The following SRBD1 variants were observed in gnomAD, a reference collection of about 807,000 sequenced individuals.
SRBD1 encodes the protein S1 RNA-binding domain-containing protein 1.
SRBD1 carries 88 observed loss-of-function variants against 115.3 expected under a neutral mutation model. That is an observed-to-expected ratio of 0.76 (90% confidence interval 0.64 to 0.91). The LOEUF is 0.91. SRBD1 is among the 40% of genes least tolerant of loss of function. SRBD1 has a pLI of 0.00. For synonymous variants in SRBD1, 509 were observed against 407.7 expected (o/e 1.25, Z -2.99); for missense variants, 1,385 against 1,177.4 (o/e 1.18, Z -2.58).
intron 17 of SRBD1, among the ~76,000 whole-genome samples, chr2:45,419,104 C>A (rs1667922533): frequency 6.6e-6 from 1 of 152,124 alleles, no homozygotes; most frequent in Admixed American, 6.5e-5. Context: ...AATCTCAACT[C>A]TATTATAAAA....
At chr2:45,550,616 A>G (rs192038481) in intron 12 of SRBD1, among the ~76,000 whole-genome samples, 119 of 152,304 alleles carry the variant, frequency 7.8e-4, no homozygotes, top group African/African-American at 2.8e-3. Flanking sequence ...CAGACAAACT[A>G]AAACTAAGAC....
chr2:45,555,403 A>G (rs1672442298), intron 10 of SRBD1, among the ~76,000 whole-genome samples: 1 of 152,078 alleles, frequency 6.6e-6, no homozygotes, highest in Admixed American at 6.6e-5. Flanking sequence ...AACAAACAAA[A>G]AAAACCCAGC....
At chr2:45,434,510 CT>C (rs1433897862) in intron 16 of SRBD1, among the ~76,000 whole-genome samples, 2 of 152,144 alleles carry the variant, frequency 1.3e-5, no homozygotes, top group African/African-American at 4.8e-5. Flanking sequence ...TCAGTTTATT[CT>C]GTCAAGGATC....
In SRBD1 at chr2:45,389,601, T is replaced by C; in HGVS notation, c.2699-2A>G. 2 of 1,608,614 alleles carry C rather than the reference T, an allele frequency of 1.2e-6. No homozygotes were observed. Among genetic ancestry groups the C allele is most frequent in the Non-Finnish European group, 1.7e-6 (2 of 1,177,982 alleles). On this transcript the variant is annotated splice_acceptor_variant, in intron 20 of 20. Coordinates refer to ENST00000263736, the MANE Select transcript of SRBD1 (RefSeq NM_018079.5). LOFTEE classifies it high-confidence loss of function. ...TCTTGAAATCAGGTTTATCAAAATC[T>C]GTAAGAGAAAAAAAGTAAGTGTAAA...
intron 2 of SRBD1, among the ~76,000 whole-genome samples, chr2:45,604,854 T>C (rs1200795904): frequency 6.6e-6 from 1 of 152,214 alleles, no homozygotes; most frequent in Non-Finnish European, 1.5e-5. Context: ...AACAAATATC[T>C]TCAGAGCACC....
At chr2:45,424,844 G>A (rs192576997) in intron 16 of SRBD1, among the ~76,000 whole-genome samples, 14 of 152,216 alleles carry the variant, frequency 9.2e-5, no homozygotes, top group African/African-American at 3.1e-4. Context: ...AATCTGCTAG[G>A]TACTTCAGAA....
chr2:45,425,391 C>G (rs780745621), intron 16 of SRBD1, among the ~76,000 whole-genome samples: 2 of 152,144 alleles, frequency 1.3e-5, no homozygotes, highest in Non-Finnish European at 2.9e-5. Context: ...TAGCAAGACA[C>G]TTGCACAAAG....
At chr2:45,518,024 A>C (rs937908700) in intron 14 of SRBD1, among the ~76,000 whole-genome samples, 1 of 152,142 alleles carries the variant, frequency 6.6e-6, no homozygotes, top group Non-Finnish European at 1.5e-5. Context: ...ATGATAATTC[A>C]AAAGCTCTCT....
chr2:45,410,596 C>T (rs73925644), intron 19 of SRBD1, among the ~76,000 whole-genome samples: 12,054 of 152,208 alleles, frequency 0.079, 656 homozygotes, highest in African/African-American at 0.15. Flanking sequence ...TTGTATGACA[C>T]GACTGGTAGC....
intron 19 of SRBD1, among the ~76,000 whole-genome samples, chr2:45,410,283 G>A (rs1430659979): frequency 6.6e-6 from 1 of 152,186 alleles, no homozygotes; most frequent in Non-Finnish European, 1.5e-5. Flanking sequence ...AATTCTCATG[G>A]TGAAAGTGTA....
At chr2:45,495,728 A>G (rs1045195329) in intron 14 of SRBD1, among the ~76,000 whole-genome samples, 1 of 152,186 alleles carries the variant, frequency 6.6e-6, no homozygotes, top group South Asian at 2.1e-4. Flanking sequence ...GCAGGCTCAT[A>G]GAGAGGAAGG....
At chr2:45,566,913 A>G (rs554610357) in intron 9 of SRBD1, among the ~76,000 whole-genome samples, 3 of 152,250 alleles carry the variant, frequency 2.0e-5, no homozygotes, top group South Asian at 2.1e-4. Flanking sequence ...CTTTCTTCCA[A>G]TTACTCTTAA....
chr2:45,435,423 A>C (rs1280933449), intron 16 of SRBD1, among the ~76,000 whole-genome samples: 1 of 152,088 alleles, frequency 6.6e-6, no homozygotes, highest in African/African-American at 2.4e-5. Context: ...TGAAGGTTTT[A>C]AGAGTATGAT....
At chr2:45,444,242 C>CA (rs1286748095) in intron 16 of SRBD1, among the ~76,000 whole-genome samples, 2 of 151,798 alleles carry the variant, frequency 1.3e-5, no homozygotes, top group Non-Finnish European at 2.9e-5. Flanking sequence ...CCTAACTTTA[C>CA]AAAAAAAATT....
chr2:45,411,700 A>G (rs902230593), intron 19 of SRBD1, among the ~76,000 whole-genome samples: 6 of 152,226 alleles, frequency 3.9e-5, no homozygotes, highest in Admixed American at 1.3e-4. Context: ...CGTAAATGTG[A>G]CCTCAAAAGA....
At chr2:45,496,968 T>C (rs983623531) in intron 14 of SRBD1, among the ~76,000 whole-genome samples, 3 of 152,312 alleles carry the variant, frequency 2.0e-5, no homozygotes, top group Admixed American at 1.3e-4. Context: ...TTTCTAATCA[T>C]AGTTTTTAAA....
At chr2:45,494,893 G>C (rs1670408534) in intron 14 of SRBD1, among the ~76,000 whole-genome samples, 1 of 152,188 alleles carries the variant, frequency 6.6e-6, no homozygotes, top group African/African-American at 2.4e-5. Context: ...TGGAGGACAA[G>C]TTAGAAGCAA....
chr2:45,563,389 TC>T (rs979809392), intron 9 of SRBD1, among the ~76,000 whole-genome samples: 19 of 151,816 alleles, frequency 1.3e-4, no homozygotes, highest in African/African-American at 4.4e-4. Context: ...AGAACGACTG[TC>T]TTAAAACACA....
At chr2:45,545,726 T>C (rs984362436) in intron 14 of SRBD1, among the ~76,000 whole-genome samples, 3 of 152,204 alleles carry the variant, frequency 2.0e-5, no homozygotes, top group African/African-American at 7.2e-5. Flanking sequence ...GTTTCCTTCT[T>C]GAATCATGAT....
Sources: gnomAD v4.1 joint callset for allele counts (sites outside exome capture counted in the v4.1 genomes callset) on GRCh38, gnomAD v4.1.1 for gene constraint, MANE v1.5 for transcripts, NCBI Gene and HGNC (gene_info 2026-07-23, HGNC 2026-07-21) for gene names.